Variants in COL27A1 observed in about 807,000 individuals in gnomAD.
COL27A1 encodes collagen alpha-1(XXVII) chain.
In COL27A1, 106 loss-of-function variants were observed where a neutral mutation model predicts 251.3. That is an observed-to-expected ratio of 0.42 (90% CI 0.36 to 0.50). COL27A1 has a LOEUF of 0.50. Among genes scored for constraint, COL27A1 ranks in the 20% least tolerant of loss-of-function variants. The pLI, the probability that COL27A1 is intolerant of heterozygous loss-of-function variation, is 0.00. For synonymous variants in COL27A1, 1,000 were observed against 986.3 expected (o/e 1.01, Z -0.26); for missense variants, 2,325 against 2,522.8 (o/e 0.92, Z 1.68).
At chr9:114,208,796 G>A (rs368221271) in intron 10 of COL27A1, among the ~76,000 whole-genome samples, 1 of 152,122 alleles carries the variant, frequency 6.6e-6, no homozygotes, top group Admixed American at 6.5e-5. Flanking sequence ...GATTGCTTCC[G>A]GCTTGGGGTA....
At chr9:114,204,675 G>T (rs111767298) in intron 7 of COL27A1, among the ~76,000 whole-genome samples, 2 of 152,142 alleles carry the variant, frequency 1.3e-5, no homozygotes, top group Non-Finnish European at 2.9e-5. Flanking sequence ...CCAGCATCCC[G>T]TGTGACGTGG....
intron 40 of COL27A1, 74 bp downstream of exon 40, chr9:114,283,836 C>G (rs1836086849): frequency 6.8e-7 from 1 of 1,468,938 alleles, no homozygotes; most frequent in African/African-American, 1.4e-5. Flanking sequence ...ATGCCAGCCT[C>G]TGCCCCACCA....
chr9:114,272,643 A>G (rs1329746316), intron 36 of COL27A1: 1 of 152,186 alleles, frequency 6.6e-6, no homozygotes, highest in Admixed American at 6.5e-5. Flanking sequence ...GGTGACCAAT[A>G]ATAGTTAGCT....
At chr9:114,255,845 G>A (rs150977995) in intron 27 of COL27A1, among the ~76,000 whole-genome samples, 1,903 of 152,254 alleles carry the variant, frequency 0.012, 19 homozygotes, top group South Asian at 0.026. Flanking sequence ...ACATGGGGGT[G>A]AAATTCTGGC....
chr9:114,265,325 G>T, intron 31 of COL27A1, 97 bp from the exon 32 acceptor site: 1 of 1,316,484 alleles, frequency 7.6e-7, no homozygotes, highest in Non-Finnish European at 1.1e-6. Flanking sequence ...GGTGTGGGAG[G>T]AGGGGACCCA....
At chr9:114,233,258 GC>G (rs1832093335) in intron 16 of COL27A1, among the ~76,000 whole-genome samples, 1 of 152,158 alleles carries the variant, frequency 6.6e-6, no homozygotes, top group Non-Finnish European at 1.5e-5. Context: ...AGATTTGCAG[GC>G]CCCTGGACTC....
intron 9 of COL27A1, 46 bp from the exon 10 acceptor site, chr9:114,206,206 T>C (rs762166524): frequency 1.3e-6 from 2 of 1,594,110 alleles, no homozygotes; most frequent in Non-Finnish European, 1.7e-6. Context: ...TGGCAGCAGG[T>C]AGAGCGTCTC....
intron 37 of COL27A1, among the ~76,000 whole-genome samples, chr9:114,277,741 T>A (rs150736994): frequency 6.6e-6 from 1 of 152,280 alleles, no homozygotes; most frequent in East Asian, 1.9e-4. Context: ...CGGGCCAGGA[T>A]TCTGCATTAG....
chr9:114,217,021 T>C (rs1340564446), intron 12 of COL27A1, among the ~76,000 whole-genome samples: 4 of 152,186 alleles, frequency 2.6e-5, no homozygotes, highest in African/African-American at 4.8e-5. Flanking sequence ...TGTGTGACTT[T>C]GGAAACATTT....
At chr9:114,157,804 G>A (rs1848219265) in intron 1 of COL27A1, among the ~76,000 whole-genome samples, 1 of 152,158 alleles carries the variant, frequency 6.6e-6, no homozygotes, top group Admixed American at 6.5e-5. Flanking sequence ...CAGCTTGGGT[G>A]AGCCACTCTG....
rs564309589 is a variant in COL27A1 at position 114,237,185 on chromosome 9, C to T, written c.2673+151C>T. 5.4e-5 allele frequency: 39 copies of T among 721,248 alleles called. No individual in the cohort carries two copies. The East Asian group carries it at 1.1e-3, about 20-fold the overall frequency. The allele number at this position is 721,248 out of a possible 1,614,324, so 44.7% of individuals were successfully genotyped here. On this transcript the variant is annotated intron_variant, in intron 18 of 60. Coordinates refer to ENST00000356083, the MANE Select transcript of COL27A1 (RefSeq NM_032888.4). ...GGGCAGGGCAGGAATGGGATGTGCTCATTTCACAGATGAGGATACTGTGAG... is the reference window on the plus strand; with the variant it reads ...GGGCAGGGCAGGAATGGGATGTGCTTATTTCACAGATGAGGATACTGTGAG...
chr9:114,290,136 C>T lies in COL27A1; in HGVS notation c.4260+25C>T, dbSNP rs1264977495. ...GGTGAGTGACTACAGCTGCTGTTTC[C>T]AGCCAACCTCCCTGCCCGCCCCCCA... On this transcript the variant is annotated intron_variant, in intron 46 of 60. Coordinates refer to ENST00000356083, the MANE Select transcript of COL27A1 (RefSeq NM_032888.4). The surrounding 1 kb of genome is among the most constrained non-coding windows in gnomAD (Gnocchi z 4.6). 1 of 1,610,830 alleles carries T rather than the reference C, an allele frequency of 6.2e-7. No homozygotes were observed. Among genetic ancestry groups the T allele is most frequent in the African/African-American group, 1.3e-5 (1 of 74,820 alleles).
rs377378230 is a variant in COL27A1 at position 114,195,905 on chromosome 9, A to G, written c.2071-54A>G. On this transcript the variant is annotated intron_variant, in intron 6 of 60. Coordinates refer to ENST00000356083, the MANE Select transcript of COL27A1 (RefSeq NM_032888.4). ...ACCATTCCAATTTGTAGAGTGTAGC[A>G]GAGTGTCTCTGCTCCCGTTTTCCTG... is the stretch of plus-strand genomic sequence containing the variant. The G allele has an allele frequency of 9.9e-4, 1,270 of 1,282,876 alleles. 13 individuals are homozygous for G. Among genetic ancestry groups the G allele is most frequent in the South Asian group, 9.4e-3 (794 of 84,582 alleles). 79.5% of individuals were successfully genotyped at this position (1,282,876 alleles called of 1,614,324 possible). A position where few individuals can be genotyped will look rare whatever the true frequency, so the allele number is the denominator to read the frequency against.
intron 7 of COL27A1, among the ~76,000 whole-genome samples, chr9:114,198,793 C>A (rs1252708854): frequency 6.6e-6 from 1 of 152,292 alleles, no homozygotes; most frequent in South Asian, 2.1e-4. Flanking sequence ...GACACGCAAA[C>A]CAGGTCAGAT....
chr9:114,236,515 C>T (rs1042855695), intron 17 of COL27A1, among the ~76,000 whole-genome samples: 3 of 152,190 alleles, frequency 2.0e-5, no homozygotes, highest in African/African-American at 4.8e-5. Context: ...TGTCCGGCAT[C>T]ATGTGGCCAC....
chr9:114,298,683 A>T (rs1264715417), intron 49 of COL27A1, among the ~76,000 whole-genome samples: 1 of 152,222 alleles, frequency 6.6e-6, no homozygotes, highest in East Asian at 1.9e-4. Context: ...AAAGGCTAAA[A>T]CTGTACAACT....
chr9:114,266,295 C>T (rs1413842418), intron 32 of COL27A1, among the ~76,000 whole-genome samples: 1 of 152,100 alleles, frequency 6.6e-6, no homozygotes, highest in Admixed American at 6.5e-5. Flanking sequence ...GAGCAAGACT[C>T]AAGAGCTAGG....
chr9:114,167,890 C>G lies in COL27A1; in HGVS notation c.335C>G (p.Ala112Gly), dbSNP rs1259703393. 3.1e-6 allele frequency: 5 copies of G among 1,613,160 alleles called. No homozygotes were observed. The highest frequency in any genetic ancestry group is 4.2e-6 in the Non-Finnish European group (5 of 1,179,876). The stretch of plus-strand genomic sequence containing the variant: ...CTCTGCTCCCACCGGGTGAACCATG[C>G]CTTCCTCTTCGCTGTCCGCAGCCAG... ...LSLCSHRVNH[A>G]FLFAVRSQKR... Residue 112 changes from alanine (A) to glycine (G), a missense_variant, in exon 3 of 61, where the codon GCC becomes GGC. Coordinates refer to ENST00000356083, the MANE Select transcript of COL27A1 (RefSeq NM_032888.4).
rs574104709 is a variant in COL27A1 at position 114,160,830 on chromosome 9, A to G, written c.63-1885A>G. Among the ~76,000 whole-genome samples, 127 of 152,340 alleles carry G rather than the reference A, an allele frequency of 8.3e-4. 1 individual carries two copies. The highest frequency in any genetic ancestry group is 2.9e-3 in the African/African-American group (122 of 41,580). On this transcript the variant is annotated intron_variant, in intron 1 of 60. Transcript: ENST00000356083. ...CAGTGAGCTGCGGGAGGTGACACCC[A>G]AGCTGGGATCTAATGGATGTGTAGG...
Sources: gnomAD v4.1 joint callset for allele counts (sites outside exome capture counted in the v4.1 genomes callset) on GRCh38, gnomAD v4.1.1 for gene constraint, Gnocchi (gnomAD v3.1) non-coding constraint, MANE v1.5 for transcripts, NCBI Gene and HGNC (gene_info 2026-07-23, HGNC 2026-07-21) for gene names.